The following PCDHGB7 variants were observed in gnomAD, a reference collection of about 807,000 sequenced individuals.
PCDHGB7 encodes protocadherin gamma subfamily B, 7.
In PCDHGB7, 37 loss-of-function variants were observed where a neutral mutation model predicts 61.4. The ratio of observed to expected loss-of-function variants is 0.60; its 90% CI spans 0.46 to 0.79. The LOEUF is 0.79. PCDHGB7 is among the 30% of genes least tolerant of loss of function. The pLI is 0.00. For synonymous variants in PCDHGB7, 464 were observed against 503.5 expected, an observed-to-expected ratio of 0.92 and a Z score of 1.05; for missense variants, 1,166 against 1,202.5, an observed-to-expected ratio of 0.97 and a Z score of 0.45.
Position 141,487,665 on chromosome 5 carries a change from G to T in PCDHGB7, c.2416-7142G>T, listed in dbSNP as rs373971935. 8.7e-5 allele frequency: 141 copies of T among 1,612,724 alleles called. No individual in the cohort carries two copies. The highest frequency in any genetic ancestry group is 1.1e-4 in the Non-Finnish European group (135 of 1,179,392). On this transcript the variant is annotated intron_variant, in intron 1 of 3. Coordinates refer to ENST00000398594, the MANE Select transcript of PCDHGB7 (RefSeq NM_018927.4). The surrounding 1 kb of genome is among the most constrained non-coding windows in gnomAD (Gnocchi z 5.0). ...ATGCTTGAGGGTTATTCTGATCCAG[G>T]CATATGGCTAGGCCATGTCCTAGAG...
chr5:141,496,992 C>T (rs1055856428), intron 2 of PCDHGB7, among the ~76,000 whole-genome samples: 2 of 151,918 alleles, frequency 1.3e-5, no homozygotes, highest in African/African-American at 2.4e-5. Context: ...TTGAGACCAG[C>T]CTGGCAGCCA....
Position 141,431,669 on chromosome 5 carries a change from A to G in PCDHGB7, c.2415+11395A>G, listed in dbSNP as rs2154554523. ...TTGTAATTCAGGGACAATATCAACA[A>G]TAGGGGAGTTGGACCACGAGGAGTC... On this transcript the variant is annotated intron_variant, in intron 1 of 3. Transcript: ENST00000398594. The surrounding 1 kb of genome is among the most constrained non-coding windows in gnomAD (Gnocchi z 4.8). 2 of 1,614,210 alleles carry G rather than the reference A, an allele frequency of 1.2e-6. No individual in the cohort carries two copies. Among genetic ancestry groups the G allele is most frequent in the South Asian group, 1.1e-5 (1 of 91,084 alleles).
chr5:141,419,053 T>C lies in PCDHGB7; in HGVS notation c.1194T>C (p.Ser398=). ...RGVPFKIHSS[S]NNYYKLVTDE... is the part of the protein sequence containing the mutation. ...TTCCATTTAAGATTCATTCTTCTTC[T>C]AATAATTACTACAAGCTAGTAACAG... Residue 398 remains serine (S), a synonymous_variant, in exon 1 of 4, where the codon TCT becomes TCC. Coordinates refer to ENST00000398594, the MANE Select transcript of PCDHGB7 (RefSeq NM_018927.4). 1 of 1,613,954 alleles carries C rather than the reference T, an allele frequency of 6.2e-7. No individual in the cohort carries two copies. The highest frequency in any genetic ancestry group is 1.1e-5 in the South Asian group (1 of 91,088).
rs2099883795 is a variant in PCDHGB7 at position 141,511,444 on chromosome 5, A to C, written c.*271A>C. 3.0e-6 allele frequency: 2 copies of C among 665,362 alleles called. No individual in the cohort carries two copies. The highest frequency in any genetic ancestry group is 3.6e-5 in the African/African-American group (2 of 54,978). 41.2% of individuals were successfully genotyped at this position (665,362 alleles called of 1,614,324 possible). On this transcript the variant is annotated 3_prime_UTR_variant, in exon 4 of 4. Coordinates refer to ENST00000398594, the MANE Select transcript of PCDHGB7 (RefSeq NM_018927.4). ...GGGTAGTGGGGTTACTGTAGACACC[A>C]AGAACCATTTGCCACACCCCGTTTA...
chr5:141,485,625 G>A lies in PCDHGB7; in HGVS notation c.2416-9182G>A, dbSNP rs1458191111. On this transcript the variant is annotated intron_variant, in intron 1 of 3. Coordinates refer to ENST00000398594, the MANE Select transcript of PCDHGB7 (RefSeq NM_018927.4). This position sits in a 1 kb window ranked among gnomAD's most constrained non-coding sequence, Gnocchi z 5.7. ...GGGGAGGCAGCTCCTCCAGGACAGC[G>A]TTTCCCGTTGGAAAAGGCTCAGGAT... is the stretch of plus-strand genomic sequence containing the variant. The A allele has an allele frequency of 1.2e-6, 2 of 1,611,968 alleles. No homozygotes were observed. The highest frequency in any genetic ancestry group is 3.3e-5 in the Admixed American group (2 of 59,916).
At position 141,417,888 on chromosome 5, in the gene PCDHGB7, G is replaced by C. The variant is rs1406210540; in HGVS notation, c.29G>C (p.Arg10Pro). ...GGAGGGAGCTGCGCGCAGAGGCGCC[G>C]GGCCGGCCCGCGGCAGGTACTATTT... is the stretch of plus-strand genomic sequence containing the variant. MGGSCAQRR[R>P]AGPRQVLFPL... Residue 10 changes from arginine to proline, a missense_variant, in exon 1 of 4, where the codon CGG becomes CCG. Physicochemically the swap from Arg to Pro is moderately radical, Grantham distance 103 (BLOSUM62 -2). Transcript: ENST00000398594. 1.3e-6 allele frequency: 2 copies of C among 1,566,652 alleles called. No homozygotes were observed. The highest frequency in any genetic ancestry group is 1.7e-4 in the Middle Eastern group (1 of 6,016).
intron 1 of PCDHGB7, chr5:141,423,750 T>TG (rs144521096): frequency 0.16 from 45,934 of 282,282 alleles, 1,791 homozygotes; most frequent in African/African-American, 0.37. Context: ...GAAAACTGTT[T>TG]GGGGGGGGGG....
At chr5:141,435,421 C>T (rs1384040447) in intron 1 of PCDHGB7, among the ~76,000 whole-genome samples, 2 of 152,096 alleles carry the variant, frequency 1.3e-5, no homozygotes, top group Non-Finnish European at 2.9e-5. Context: ...CTATTTTTCA[C>T]TTCTGTTATG....
chr5:141,484,709 C>G (rs1223957454), intron 1 of PCDHGB7, among the ~76,000 whole-genome samples: 1 of 151,072 alleles, frequency 6.6e-6, no homozygotes, highest in Non-Finnish European at 1.5e-5. Context: ...TTTTCCCCGC[C>G]GAAAAGGGGC....
chr5:141,477,157 C>G lies in PCDHGB7; in HGVS notation c.2416-17650C>G. ...TGGTGGAGGTTGTGGATGTGAATGA[C>G]AACGCCCCGGAGATCACAGTCACCT... is the stretch of plus-strand genomic sequence containing the variant. On this transcript the variant is annotated intron_variant, in intron 1 of 3. Transcript: ENST00000398594. This position sits in a 1 kb window ranked among gnomAD's most constrained non-coding sequence, Gnocchi z 4.9. 1 of 1,614,182 alleles carries G rather than the reference C, an allele frequency of 6.2e-7. No individual in the cohort carries two copies. Among genetic ancestry groups the G allele is most frequent in the Non-Finnish European group, 8.5e-7 (1 of 1,180,038 alleles).
At chr5:141,442,158 A>T (rs966591795) in intron 1 of PCDHGB7, 1 of 157,594 alleles carries the variant, frequency 6.3e-6, no homozygotes, top group African/African-American at 2.4e-5. Context: ...CTCAGCGATC[A>T]CTCTGCAAAG....
In PCDHGB7 at chr5:141,463,438, C is replaced by CTTT. The variant is rs71576115; in HGVS notation, c.2416-31343_2416-31341dup. ...GTTTGCGGATCCTCATTTCCTTCTC[C>CTTT]TTTTTTTTTTTTTTTTTTTTTTTTT... On this transcript the variant is annotated intron_variant, in intron 1 of 3. Coordinates refer to ENST00000398594, the MANE Select transcript of PCDHGB7 (RefSeq NM_018927.4). 5.0e-3 allele frequency among the ~76,000 whole-genome samples: 517 copies of CTTT among 103,248 alleles called. 61 individuals are homozygous for CTTT. The highest frequency in any genetic ancestry group is 0.017 in the African/African-American group (381 of 22,398). The allele number at this position is 103,248 out of a possible 152,430, so 67.7% of individuals were successfully genotyped here.
chr5:141,505,026 G>T (rs190826538), intron 2 of PCDHGB7, among the ~76,000 whole-genome samples: 1 of 152,198 alleles, frequency 6.6e-6, no homozygotes, highest in South Asian at 2.1e-4. Context: ...GCCTGGCACA[G>T]TGGCAGGTGC....
chr5:141,479,710 T>C (rs901198074), intron 1 of PCDHGB7: 1 of 152,264 alleles, frequency 6.6e-6, no homozygotes, highest in African/African-American at 2.4e-5. Flanking sequence ...GTCCCTGTCC[T>C]TCCAGCCTTA....
chr5:141,419,504 C>T lies in PCDHGB7; in HGVS notation c.1645C>T (p.Arg549Cys), dbSNP rs577411043. 75 of 1,612,298 alleles carry T rather than the reference C, an allele frequency of 4.7e-5. No homozygotes were observed. Among genetic ancestry groups the T allele is most frequent in the South Asian group, 2.7e-4 (25 of 90,982 alleles). The change falls in exon 1 of 4, where the codon CGC becomes TGC. Residue 549 changes from arginine to cysteine, a missense_variant. Arg to Cys is a radical substitution (Grantham distance 180). Coordinates refer to ENST00000398594, the MANE Select transcript of PCDHGB7 (RefSeq NM_018927.4). ...SPALSANVSL[R>C]VLVGDRNDNA... ...CGCGCTCAGCGCCAATGTGAGCCTG[C>T]GCGTGTTGGTGGGCGACCGTAACGA... is the stretch of plus-strand genomic sequence containing the variant.
Position 141,419,035 on chromosome 5 carries a change from T to G in PCDHGB7, c.1176T>G (p.Phe392Leu). The change falls in exon 1 of 4, where the codon TTT (phenylalanine) becomes TTG (leucine). Residue 392 changes from phenylalanine to leucine, a missense_variant. Physicochemically the swap from Phe to Leu is conservative, Grantham distance 22. Transcript: ENST00000398594. Reference sequence around the variant, plus strand: ...GTAGCTTAAGTAGAGGTGTTCCATTTAAGATTCATTCTTCTTCTAATAATT... The same window carrying G: ...GTAGCTTAAGTAGAGGTGTTCCATTGAAGATTCATTCTTCTTCTAATAATT... ...VRCSLSRGVP[F>L]KIHSSSNNYY... is the part of the protein sequence containing the mutation. 6.2e-7 allele frequency: 1 copy of G among 1,613,954 alleles called. No individual in the cohort carries two copies. Among genetic ancestry groups the G allele is most frequent in the Non-Finnish European group, 8.5e-7 (1 of 1,179,884 alleles).
intron 1 of PCDHGB7, chr5:141,433,179 T>C (rs760574214): frequency 1.2e-5 from 20 of 1,608,614 alleles, no homozygotes; most frequent in Admixed American, 1.7e-5. Flanking sequence ...CATGGGTTAA[T>C]TGAGGTGAGT....
intron 1 of PCDHGB7, among the ~76,000 whole-genome samples, chr5:141,464,197 G>A (rs1216682352): frequency 3.3e-5 from 5 of 151,394 alleles, no homozygotes; most frequent in African/African-American, 9.7e-5. Context: ...TTCAGGAGGC[G>A]GAGATTGCAG....
chr5:141,500,870 A>C (rs2099803097), intron 2 of PCDHGB7, among the ~76,000 whole-genome samples: 1 of 139,794 alleles, frequency 7.2e-6, no homozygotes, highest in African/African-American at 2.8e-5. Context: ...ATACACATTC[A>C]TTTACAATTT....
Sources: gnomAD v4.1 joint callset for allele counts (sites outside exome capture counted in the v4.1 genomes callset) on GRCh38, gnomAD v4.1.1 for gene constraint, Gnocchi (gnomAD v3.1) non-coding constraint, MANE v1.5 for transcripts, NCBI Gene and HGNC (gene_info 2026-07-23, HGNC 2026-07-21) for gene names.